The following CNTN4 variants were observed in gnomAD, a reference collection of about 807,000 sequenced individuals.
CNTN4 encodes the protein contactin 4.
A neutral mutation model predicts 122.5 loss-of-function variants in CNTN4; 77 were observed. The ratio of observed to expected loss-of-function variants is 0.63; its 90% CI spans 0.52 to 0.76. The LOEUF is 0.76. Among genes scored for constraint, CNTN4 ranks in the 30% least tolerant of loss-of-function variants. The probability of loss-of-function intolerance (pLI) is 0.00; values close to 1 mark genes in which losing one functional copy is unlikely to be tolerated. For synonymous variants in CNTN4, 512 were observed against 447.0 expected (o/e 1.15, Z -1.83); for missense variants, 1,256 against 1,259.1 (o/e 1.00, Z 0.04).
chr3:2,602,786 A>C (rs1015024736), intron 4 of CNTN4, among the ~76,000 whole-genome samples: 1 of 152,230 alleles, frequency 6.6e-6, no homozygotes, highest in Non-Finnish European at 1.5e-5. Flanking sequence ...TAATACATGA[A>C]GAAGCAGAGA....
rs972673399 is a variant in CNTN4, at chr3:3,050,654, T to A, written c.2812-3153T>A. On this transcript the variant is annotated intron_variant, in intron 23 of 24. Transcript: ENST00000418658. ...GGCGCATGCCTGTAATGTTAGCTAC[T>A]TGGGAGGCTGAGGCAGAAGAATTGC... Among the ~76,000 whole-genome samples the A allele has an allele frequency of 1.1e-4, 16 of 150,244 alleles. No homozygotes were observed. In the East Asian group the frequency reaches 3.2e-3, roughly 30 times the overall value.
chr3:3,054,371 A>T (rs1036022275), intron 24 of CNTN4, among the ~76,000 whole-genome samples: 7 of 152,234 alleles, frequency 4.6e-5, no homozygotes, highest in Non-Finnish European at 8.8e-5. Context: ...CTCCAGTGAA[A>T]CAGTGTATGC....
chr3:2,121,716 G>C (rs1318438272), intron 2 of CNTN4, among the ~76,000 whole-genome samples: 1 of 152,128 alleles, frequency 6.6e-6, no homozygotes, highest in Non-Finnish European at 1.5e-5. Flanking sequence ...TGAAGAGAAA[G>C]AGTTAAAGGT....
chr3:2,539,237 A>G (rs1461768792), intron 3 of CNTN4, among the ~76,000 whole-genome samples: 2 of 152,088 alleles, frequency 1.3e-5, no homozygotes. Flanking sequence ...CAAAACAGTA[A>G]TGTAGGGATA....
At chr3:2,688,808 C>G (rs774959332) in intron 4 of CNTN4, among the ~76,000 whole-genome samples, 40 of 152,188 alleles carry the variant, frequency 2.6e-4, no homozygotes, top group Non-Finnish European at 5.1e-4. Context: ...ATGGAGCCAT[C>G]TCCTGAACCC....
intron 3 of CNTN4, among the ~76,000 whole-genome samples, chr3:2,361,695 A>T (rs941972771): frequency 2.0e-5 from 3 of 152,246 alleles, no homozygotes; most frequent in Non-Finnish European, 2.9e-5. Flanking sequence ...TAAAATAAAA[A>T]TATTTTCTAC....
chr3:2,605,983 C>A (rs1254685987), intron 4 of CNTN4, among the ~76,000 whole-genome samples: 1 of 152,126 alleles, frequency 6.6e-6, no homozygotes, highest in African/African-American at 2.4e-5. Context: ...CCTTGGGGAG[C>A]TAAGGCCTGA....
chr3:2,888,781 T>C (rs1032873832), intron 10 of CNTN4, among the ~76,000 whole-genome samples: 8 of 151,950 alleles, frequency 5.3e-5, no homozygotes, highest in Non-Finnish European at 8.8e-5. Context: ...CCCATGAAAC[T>C]CAGTTGCACA....
intron 6 of CNTN4, among the ~76,000 whole-genome samples, chr3:2,759,693 C>T (rs2090498890): frequency 6.9e-6 from 1 of 145,698 alleles, no homozygotes; most frequent in African/African-American, 2.5e-5. Flanking sequence ...AGTAACTGGG[C>T]AACAGAGGAG....
chr3:3,034,936 C>A, intron 17 of CNTN4, 146 bp downstream of exon 17: 4 of 871,038 alleles, frequency 4.6e-6, no homozygotes, highest in Non-Finnish European at 7.5e-6. Flanking sequence ...GCCAACTGTA[C>A]TATCATTAAT....
At chr3:2,178,624 C>T (rs988222067) in intron 2 of CNTN4, among the ~76,000 whole-genome samples, 10 of 152,066 alleles carry the variant, frequency 6.6e-5, no homozygotes, top group African/African-American at 2.4e-4. Flanking sequence ...AGGTTTGTTC[C>T]ATGTTAACTT....
chr3:2,370,250 A>G (rs1032704144), intron 3 of CNTN4, among the ~76,000 whole-genome samples: 1 of 152,230 alleles, frequency 6.6e-6, no homozygotes, highest in South Asian at 2.1e-4. Flanking sequence ...AAAGCACTTA[A>G]TACAAGCCCA....
intron 13 of CNTN4, among the ~76,000 whole-genome samples, chr3:2,932,284 A>G (rs1414946179): frequency 6.6e-6 from 1 of 152,338 alleles, no homozygotes; most frequent in East Asian, 1.9e-4. Flanking sequence ...AGGCTGAGGC[A>G]GGAGAATGGC....
At chr3:3,015,594 C>T (rs557669183) in intron 14 of CNTN4, among the ~76,000 whole-genome samples, 1 of 152,280 alleles carries the variant, frequency 6.6e-6, no homozygotes, top group East Asian at 1.9e-4. Flanking sequence ...ACAGAGGAAT[C>T]TGAAAACATG....
At chr3:2,715,266 A>G (rs187570213) in intron 4 of CNTN4, among the ~76,000 whole-genome samples, 37 of 152,362 alleles carry the variant, frequency 2.4e-4, no homozygotes, top group Admixed American at 1.8e-3. Context: ...GTGAAAATAC[A>G]TATGTAAAGG....
rs114703673 is a variant in CNTN4, at chr3:2,853,540, G to A, written c.455-13212G>A. Among the ~76,000 whole-genome samples the A allele has an allele frequency of 3.8e-3, 572 of 152,136 alleles. 3 individuals are homozygous for A. Among genetic ancestry groups the A allele is most frequent in the African/African-American group, 0.013 (529 of 41,460 alleles). On this transcript the variant is annotated intron_variant, in intron 7 of 24. Transcript: ENST00000418658. ...TTGCAGCCATGAGCTACTGTGTCTG[G>A]CCTAATTTATTGATTTTTTTTCAAA...
intron 2 of CNTN4, among the ~76,000 whole-genome samples, chr3:2,293,553 A>G (rs913665099): frequency 2.6e-5 from 4 of 152,176 alleles, no homozygotes; most frequent in African/African-American, 7.2e-5. Flanking sequence ...GGAATAATGC[A>G]GCACCTGTTT....
At chr3:3,043,517 C>T in intron 22 of CNTN4, 75 bp from the exon 23 acceptor site, 1 of 1,161,866 alleles carries the variant, frequency 8.6e-7, no homozygotes, top group Non-Finnish European at 1.3e-6. Flanking sequence ...CTCTCGAATT[C>T]TAGTAAGGAG....
At chr3:2,360,074 A>G (rs2045058683) in intron 3 of CNTN4, among the ~76,000 whole-genome samples, 1 of 152,088 alleles carries the variant, frequency 6.6e-6, no homozygotes, top group Admixed American at 6.6e-5. Flanking sequence ...ACTTTCACAT[A>G]TTTTCTGTCA....
Sources: gnomAD v4.1 joint callset for allele counts (sites outside exome capture counted in the v4.1 genomes callset) on GRCh38, gnomAD v4.1.1 for gene constraint, MANE v1.5 for transcripts, NCBI Gene and HGNC (gene_info 2026-07-23, HGNC 2026-07-21) for gene names.